The following PKNOX2 variants were observed in gnomAD, a reference collection of about 807,000 sequenced individuals.
PKNOX2 encodes the protein homeobox protein PKNOX2.
PKNOX2 carries 14 observed loss-of-function variants against 53.1 expected under a neutral mutation model. The ratio of observed to expected loss-of-function variants is 0.26; its 90% CI spans 0.17 to 0.41. The LOEUF (loss-of-function observed/expected upper bound fraction) is 0.41, where lower values mean the gene tolerates loss of function less well. Ranked by LOEUF, PKNOX2 falls within the 10% of genes least tolerant of loss-of-function variation. PKNOX2 has a pLI of 1.00. For synonymous variants in PKNOX2, 257 were observed against 242.8 expected, an observed-to-expected ratio of 1.06 and a Z score of -0.54; for missense variants, 496 against 602.8, an observed-to-expected ratio of 0.82 and a Z score of 1.85.
chr11:125,318,759 G>A (rs1651866091), intron 2 of PKNOX2, among the ~76,000 whole-genome samples: 1 of 152,150 alleles, frequency 6.6e-6, no homozygotes, highest in African/African-American at 2.4e-5. Flanking sequence ...TGTAATCCCT[G>A]CCTGTTGAGG....
chr11:125,430,095 G>A lies in PKNOX2; in HGVS notation c.1146G>A (p.Ala382=), dbSNP rs374881222. 393 of 1,614,106 alleles carry A rather than the reference G, an allele frequency of 2.4e-4. No individual in the cohort carries two copies. Among genetic ancestry groups the A allele is most frequent in the Non-Finnish European group, 2.9e-4 (343 of 1,180,000 alleles). Residue 382 remains alanine (A), a synonymous_variant, in exon 12 of 13, where the codon GCG becomes GCA. Coordinates refer to ENST00000298282, the MANE Select transcript of PKNOX2 (RefSeq NM_001382323.2). ...GATTCTGGCCCAACTCCATCGCTGC[G>A]GGGGTGCTGCAGCAGCAGGGCGGTG... ...TQRFWPNSIA[A]GVLQQQGGAP...
At chr11:125,302,955 G>A (rs1449628791) in intron 2 of PKNOX2, among the ~76,000 whole-genome samples, 1 of 152,210 alleles carries the variant, frequency 6.6e-6, no homozygotes, top group Non-Finnish European at 1.5e-5. Context: ...CTCATGGCTA[G>A]TCTGTTCTTC....
At position 125,351,247 on chromosome 11, in the gene PKNOX2, G is replaced by A. The variant is rs556974546; in HGVS notation, c.-22-37G>A. ...GGTGCCCAGGGCGGGCCTGCTCAGC[G>A]GTGTTAACGGTGCGGCCCCCTTTCT... On this transcript the variant is annotated intron_variant, in intron 3 of 12. Transcript: ENST00000298282. 5.5e-4 allele frequency: 482 copies of A among 882,208 alleles called. 8 individuals carry two copies. In the South Asian group the frequency reaches 6.0e-3, roughly 11 times the overall value. 54.6% of individuals were successfully genotyped at this position (882,208 alleles called of 1,614,324 possible).
chr11:125,298,840 C>T (rs1011411653), intron 2 of PKNOX2, among the ~76,000 whole-genome samples: 5 of 152,178 alleles, frequency 3.3e-5, no homozygotes, highest in Admixed American at 1.3e-4. Context: ...AGGCCTTCTT[C>T]GCCTCTTTCT....
At chr11:125,377,574 T>C (rs182422149) in intron 5 of PKNOX2, among the ~76,000 whole-genome samples, 9 of 152,292 alleles carry the variant, frequency 5.9e-5, no homozygotes, top group Non-Finnish European at 1.2e-4. Flanking sequence ...TGAAGGACAG[T>C]AGTGACCATT....
chr11:125,384,456 C>T (rs11220040), intron 5 of PKNOX2, among the ~76,000 whole-genome samples: 1,642 of 152,238 alleles, frequency 0.011, 10 homozygotes, highest in Admixed American at 0.016. Flanking sequence ...GAGGCTGAGA[C>T]GGGCGGATCA....
intron 1 of PKNOX2, among the ~76,000 whole-genome samples, chr11:125,233,986 C>A (rs1053948868): frequency 2.6e-5 from 4 of 152,232 alleles, no homozygotes; most frequent in Admixed American, 6.5e-5. Context: ...ACTCTCTCCT[C>A]TAGTGTCTGT....
At chr11:125,423,248 G>A (rs1211382339) in intron 10 of PKNOX2, among the ~76,000 whole-genome samples, 2 of 152,174 alleles carry the variant, frequency 1.3e-5, no homozygotes, top group Non-Finnish European at 2.9e-5. Flanking sequence ...TGGGCAGTCT[G>A]ACTCTAGAGT....
intron 1 of PKNOX2, among the ~76,000 whole-genome samples, chr11:125,175,914 G>T (rs1461153070): frequency 6.6e-6 from 1 of 152,130 alleles, no homozygotes. Flanking sequence ...GTAATACGTG[G>T]GGGAGAAAAT....
At chr11:125,302,827 G>A (rs983960995) in intron 2 of PKNOX2, among the ~76,000 whole-genome samples, 2 of 152,152 alleles carry the variant, frequency 1.3e-5, no homozygotes, top group African/African-American at 2.4e-5. Context: ...CTACAGCCTC[G>A]GAGGGCAGAG....
At chr11:125,167,628 A>C (rs1954993287) in intron 1 of PKNOX2, among the ~76,000 whole-genome samples, 2 of 152,342 alleles carry the variant, frequency 1.3e-5, no homozygotes, top group African/African-American at 2.4e-5. Flanking sequence ...TGCGAATTGC[A>C]CTGAAGTATA....
chr11:125,227,166 T>C (rs1941768005), intron 1 of PKNOX2, among the ~76,000 whole-genome samples: 1 of 152,152 alleles, frequency 6.6e-6, no homozygotes, highest in African/African-American at 2.4e-5. Flanking sequence ...CCCTGATAGC[T>C]CTCAATGACA....
intron 5 of PKNOX2, among the ~76,000 whole-genome samples, chr11:125,369,228 G>A (rs1565508569): frequency 6.6e-6 from 1 of 152,312 alleles, no homozygotes; most frequent in East Asian, 1.9e-4. Flanking sequence ...GGCACCAGGG[G>A]CCTCCCAGGC....
In PKNOX2 at chr11:125,432,978, T is replaced by TC. The variant is rs1414437962; in HGVS notation, c.*1591dup. ...GGTCTCCCTGAAATGAATGTATTTC[T>TC]CCCCCAAAAGAGCTGATATTTAATG... On this transcript the variant is annotated 3_prime_UTR_variant, in exon 13 of 13. Transcript: ENST00000298282. 1.3e-5 allele frequency: 2 copies of TC among 152,592 alleles called. No homozygotes were observed. The highest frequency in any genetic ancestry group is 2.9e-5 in the Non-Finnish European group (2 of 68,034). 9.5% of individuals were successfully genotyped at this position (152,592 alleles called of 1,614,324 possible).
At chr11:125,210,999 C>T (rs910361457) in intron 1 of PKNOX2, among the ~76,000 whole-genome samples, 10 of 152,106 alleles carry the variant, frequency 6.6e-5, no homozygotes, top group Admixed American at 3.9e-4. Context: ...TAATCTTGAA[C>T]GAAGGTTGTG....
intron 10 of PKNOX2, among the ~76,000 whole-genome samples, chr11:125,412,132 A>C (rs930861606): frequency 6.6e-6 from 1 of 152,210 alleles, no homozygotes; most frequent in Non-Finnish European, 1.5e-5. Flanking sequence ...GTGCATGCTC[A>C]AGAGTCAAGT....
At chr11:125,392,608 T>C (rs188424065) in intron 6 of PKNOX2, among the ~76,000 whole-genome samples, 1 of 152,364 alleles carries the variant, frequency 6.6e-6, no homozygotes, top group African/African-American at 2.4e-5. Flanking sequence ...TGCGTGTATT[T>C]TATTTGAGCA....
At chr11:125,385,501 C>A in intron 5 of PKNOX2, 50 bp from the exon 6 acceptor site, 1 of 1,528,634 alleles carries the variant, frequency 6.5e-7, no homozygotes, top group African/African-American at 1.4e-5. Flanking sequence ...GCACAGGTAG[C>A]AGCACGGTCT....
intron 2 of PKNOX2, among the ~76,000 whole-genome samples, chr11:125,264,201 G>A (rs991475405): frequency 2.0e-5 from 3 of 152,152 alleles, no homozygotes; most frequent in Non-Finnish European, 4.4e-5. Flanking sequence ...ATAAGGAACC[G>A]GGACCCAGTG....
Sources: gnomAD v4.1 joint callset for allele counts (sites outside exome capture counted in the v4.1 genomes callset) on GRCh38, gnomAD v4.1.1 for gene constraint, MANE v1.5 for transcripts, NCBI Gene and HGNC (gene_info 2026-07-23, HGNC 2026-07-21) for gene names.